Variants in CAMK4 observed in about 807,000 individuals in gnomAD.
The protein encoded by CAMK4 is calcium/calmodulin-dependent protein kinase type IV.
In CAMK4, 22 loss-of-function variants were observed where a neutral mutation model predicts 44.9. The ratio of observed to expected loss-of-function variants is 0.49; its 90% CI spans 0.35 to 0.70. The LOEUF is 0.70. Among genes scored for constraint, CAMK4 ranks in the 30% least tolerant of loss-of-function variants. The probability of loss-of-function intolerance (pLI) is 0.01; values close to 1 mark genes in which losing one functional copy is unlikely to be tolerated. For missense variants in CAMK4, 498 were observed against 586.8 expected (o/e 0.85, Z 1.56); for synonymous variants, 218 against 215.4 (o/e 1.01, Z -0.11).
intron 1 of CAMK4, among the ~76,000 whole-genome samples, chr5:111,226,736 C>T (rs1275344919): frequency 3.3e-5 from 5 of 152,230 alleles, no homozygotes; most frequent in Non-Finnish European, 5.9e-5. Flanking sequence ...GTTGTTTACC[C>T]TCCTGTGGTT....
intron 2 of CAMK4, among the ~76,000 whole-genome samples, chr5:111,364,248 C>G (rs1212157911): frequency 6.6e-6 from 1 of 151,964 alleles, no homozygotes; most frequent in Non-Finnish European, 1.5e-5. Context: ...CAGGGAGATA[C>G]AGATAAAAGA....
At chr5:111,296,320 AT>A (rs1747483777) in intron 1 of CAMK4, among the ~76,000 whole-genome samples, 1 of 152,200 alleles carries the variant, frequency 6.6e-6, no homozygotes. Flanking sequence ...ACACCCCTAT[AT>A]TCCATTACTC....
chr5:111,238,508 C>T (rs866971860), intron 1 of CAMK4, among the ~76,000 whole-genome samples: 9 of 151,702 alleles, frequency 5.9e-5, no homozygotes, highest in African/African-American at 2.4e-5. Flanking sequence ...CACTGGCACC[C>T]GATTGCAGAC....
chr5:111,409,559 G>T (rs1036845670), intron 5 of CAMK4, among the ~76,000 whole-genome samples: 1 of 152,206 alleles, frequency 6.6e-6, no homozygotes, highest in Non-Finnish European at 1.5e-5. Flanking sequence ...CATTGTCTTG[G>T]TGATTAACAT....
intron 1 of CAMK4, among the ~76,000 whole-genome samples, chr5:111,300,300 A>G (rs1320111612): frequency 1.3e-5 from 2 of 152,192 alleles, no homozygotes; most frequent in Non-Finnish European, 2.9e-5. Flanking sequence ...GAATTGCTGC[A>G]TGTTAAGATG....
At chr5:111,366,669 C>T (rs1420997526) in intron 2 of CAMK4, among the ~76,000 whole-genome samples, 1 of 152,124 alleles carries the variant, frequency 6.6e-6, no homozygotes, top group African/African-American at 2.4e-5. Context: ...TGTGTTTCAT[C>T]AATCCCATTC....
rs1185999076 is a variant in CAMK4, at chr5:111,374,870, A to C, written c.261A>C (p.Arg87Ser). 6.2e-7 allele frequency: 1 copy of C among 1,611,606 alleles called. No homozygotes were observed. Among genetic ancestry groups the C allele is most frequent in the Non-Finnish European group, 8.5e-7 (1 of 1,178,198 alleles). ...LKKTVDKKIV[R>S]TEIGVLLRLS... ...TTTAGGTGGACAAAAAAATCGTAAG[A>C]ACTGAGATAGGAGTTCTTCTTCGCC... The change falls in exon 3 of 11, where the codon AGA becomes AGC. Residue 87 changes from arginine (R) to serine (S), a missense_variant. Coordinates refer to ENST00000282356, the MANE Select transcript of CAMK4 (RefSeq NM_001744.6).
chr5:111,253,050 C>T (rs1749585965), intron 1 of CAMK4, among the ~76,000 whole-genome samples: 1 of 152,194 alleles, frequency 6.6e-6, no homozygotes, highest in Admixed American at 6.5e-5. Flanking sequence ...TTCTTATCTA[C>T]AGAGAACTTG....
At chr5:111,284,632 A>C (rs1561385560) in intron 1 of CAMK4, among the ~76,000 whole-genome samples, 1 of 152,214 alleles carries the variant, frequency 6.6e-6, no homozygotes, top group Non-Finnish European at 1.5e-5. Context: ...ACTTCCCTGG[A>C]GCACAGCAGA....
rs42266 is a variant in CAMK4, at chr5:111,487,691, C to T, written c.*3225C>T. ...TTCAAAATCAAGAGTGTATGTTAGGCCTTTGGGACATCAAGTGCTCAATAG... is the reference window on the plus strand; with the variant it reads ...TTCAAAATCAAGAGTGTATGTTAGGTCTTTGGGACATCAAGTGCTCAATAG... On this transcript the variant is annotated 3_prime_UTR_variant, in exon 11 of 11. Coordinates refer to ENST00000282356, the MANE Select transcript of CAMK4 (RefSeq NM_001744.6). The T allele has an allele frequency of 1.3e-5, 2 of 151,918 alleles. No homozygotes were observed. The highest frequency in any genetic ancestry group is 2.9e-5 in the Non-Finnish European group (2 of 67,972). 9.4% of individuals were successfully genotyped at this position (151,918 alleles called of 1,614,324 possible).
chr5:111,443,558 A>G (rs1055937690), intron 5 of CAMK4, among the ~76,000 whole-genome samples: 3 of 151,204 alleles, frequency 2.0e-5, no homozygotes. Context: ...TCCTTCCTTT[A>G]TCTAGTCTAG....
chr5:111,479,506 C>T (rs1281528432), intron 9 of CAMK4, among the ~76,000 whole-genome samples: 1 of 152,084 alleles, frequency 6.6e-6, no homozygotes, highest in East Asian at 1.9e-4. Flanking sequence ...ACTTTTGAAT[C>T]ATAGAAGGTT....
intron 5 of CAMK4, among the ~76,000 whole-genome samples, chr5:111,425,566 A>G (rs974455095): frequency 2.0e-5 from 3 of 152,234 alleles, no homozygotes; most frequent in African/African-American, 7.2e-5. Context: ...AACTTTCTTC[A>G]TTCATTTGCC....
intron 1 of CAMK4, among the ~76,000 whole-genome samples, chr5:111,316,137 C>A (rs1365929447): frequency 1.3e-5 from 2 of 152,132 alleles, no homozygotes; most frequent in Non-Finnish European, 2.9e-5. Context: ...CCAATAATTT[C>A]TAATCACATC....
intron 1 of CAMK4, among the ~76,000 whole-genome samples, chr5:111,295,176 C>T (rs569032705): frequency 1.3e-5 from 2 of 152,254 alleles, no homozygotes; most frequent in South Asian, 4.1e-4. Context: ...CCTTTATCTC[C>T]TATTTAAGAG....
At chr5:111,475,251 A>G (rs1755196791) in intron 8 of CAMK4, among the ~76,000 whole-genome samples, 1 of 152,184 alleles carries the variant, frequency 6.6e-6, no homozygotes, top group Admixed American at 6.5e-5. Flanking sequence ...CCCAAAATGT[A>G]GGTTTGCCCC....
intron 4 of CAMK4, among the ~76,000 whole-genome samples, chr5:111,392,249 C>T (rs767623136): frequency 3.3e-5 from 5 of 152,028 alleles, no homozygotes; most frequent in African/African-American, 9.7e-5. Context: ...ACTATCATGA[C>T]GGAAGGTGAA....
chr5:111,317,247 A>G (rs1240897629), intron 1 of CAMK4, among the ~76,000 whole-genome samples: 2 of 152,088 alleles, frequency 1.3e-5, no homozygotes, highest in Non-Finnish European at 2.9e-5. Flanking sequence ...TGAATGTCAA[A>G]TTTCACAGTT....
intron 1 of CAMK4, among the ~76,000 whole-genome samples, chr5:111,285,426 A>G (rs1466358622): frequency 6.6e-6 from 1 of 152,212 alleles, no homozygotes; most frequent in Non-Finnish European, 1.5e-5. Context: ...TAGTTGTTCA[A>G]TAACATAATA....
Sources: allele counts gnomAD v4.1 joint callset (sites outside exome capture counted in the v4.1 genomes callset), GRCh38; gene constraint gnomAD v4.1.1; transcripts MANE v1.5; gene names NCBI Gene and HGNC (gene_info 2026-07-23, HGNC 2026-07-21).